The following ASTL variants were observed in gnomAD, a reference collection of about 807,000 sequenced individuals.
The protein encoded by ASTL is astacin-like metalloendopeptidase.
ASTL carries 27 observed loss-of-function variants against 36.7 expected under a neutral mutation model. The observed-to-expected ratio is 0.73, with a 90% CI of 0.54 to 1.01. The LOEUF is 1.01. ASTL is among the 50% of genes least tolerant of loss of function. The pLI is 0.00. For synonymous variants in ASTL, 222 were observed against 228.1 expected, an observed-to-expected ratio of 0.97 and a Z score of 0.24; for missense variants, 524 against 572.8, an observed-to-expected ratio of 0.91 and a Z score of 0.87.
chr2:96,126,364 C>T (rs1033115759), intron 8 of ASTL, among the ~76,000 whole-genome samples: 1 of 152,154 alleles, frequency 6.6e-6, no homozygotes, highest in Non-Finnish European at 1.5e-5. Flanking sequence ...TGAACATTCT[C>T]CAAAGATGCA....
intron 6 of ASTL, among the ~76,000 whole-genome samples, chr2:96,131,231 C>G (rs1314401381): frequency 6.6e-6 from 1 of 152,190 alleles, no homozygotes; most frequent in Non-Finnish European, 1.5e-5. Flanking sequence ...CGTAAGTCTA[C>G]ACATTTTCTC....
At position 96,129,987 on chromosome 2, in the gene ASTL, C is replaced by A; in HGVS notation, c.720-9G>T. ...GCCGGCTGAAGGCGAGCCTGGAACC[C>A]AGCGGGAGACCCCTGAGTCCAGATC... is the stretch of plus-strand genomic sequence containing the variant. On this transcript the variant is annotated splice_polypyrimidine_tract_variant and intron_variant, in intron 7 of 8. Transcript: ENST00000342380. 1 of 1,606,120 alleles carries A rather than the reference C, an allele frequency of 6.2e-7. No individual in the cohort carries two copies. Among genetic ancestry groups the A allele is most frequent in the South Asian group, 1.1e-5 (1 of 90,910 alleles).
chr2:96,133,125 G>A (rs976296894), intron 5 of ASTL, among the ~76,000 whole-genome samples: 9 of 152,194 alleles, frequency 5.9e-5, no homozygotes, highest in African/African-American at 2.2e-4. Flanking sequence ...CAGAAGTTAG[G>A]GGACTTGCCA....
chr2:96,125,854 G>T (rs558878515), intron 8 of ASTL, among the ~76,000 whole-genome samples: 4 of 152,032 alleles, frequency 2.6e-5, no homozygotes, highest in Admixed American at 6.5e-5. Flanking sequence ...AGGTGCACAA[G>T]ACTCCATCTC....
At chr2:96,130,466 G>A (rs1008456675) in intron 6 of ASTL, among the ~76,000 whole-genome samples, 1 of 152,174 alleles carries the variant, frequency 6.6e-6, no homozygotes, top group Non-Finnish European at 1.5e-5. Context: ...AGCTGCCACG[G>A]GTCCCACACT....
intron 8 of ASTL, among the ~76,000 whole-genome samples, chr2:96,127,901 T>C (rs538637228): frequency 3.9e-5 from 6 of 152,230 alleles, no homozygotes; most frequent in South Asian, 2.1e-4. Flanking sequence ...TAATGTGTAG[T>C]TCTTTATGTA....
chr2:96,124,551 C>T lies in ASTL; in HGVS notation c.875-280G>A, dbSNP rs969133206. Among the ~76,000 whole-genome samples the T allele has an allele frequency of 6.6e-6, 1 of 152,150 alleles. No individual in the cohort carries two copies. The highest frequency in any genetic ancestry group is 1.9e-4 in the East Asian group (1 of 5,194). On this transcript the variant is annotated intron_variant, in intron 8 of 8. Transcript: ENST00000342380. The surrounding 1 kb of genome is among the most constrained non-coding windows in gnomAD (Gnocchi z 4.1). The stretch of plus-strand genomic sequence containing the variant: ...CGAGACTGCTGGGACACTTAAGTCA[C>T]CTGACCCAGCACCAAAGCGCCCACC...
chr2:96,130,657 C>T (rs1682157928), intron 6 of ASTL, among the ~76,000 whole-genome samples: 1 of 152,216 alleles, frequency 6.6e-6, no homozygotes, highest in African/African-American at 2.4e-5. Flanking sequence ...CTCCCCCTCA[C>T]TCAAGTCCCC....
At chr2:96,135,433 T>A in intron 2 of ASTL, 21 bp from the exon 3 acceptor site, 1 of 1,612,314 alleles carries the variant, frequency 6.2e-7, no homozygotes, top group Admixed American at 1.7e-5. Flanking sequence ...AAGAAGGACG[T>A]GTTGGCCCAT....
intron 8 of ASTL, among the ~76,000 whole-genome samples, chr2:96,125,508 T>G (rs1381548628): frequency 6.6e-6 from 1 of 152,108 alleles, no homozygotes; most frequent in Non-Finnish European, 1.5e-5. Flanking sequence ...CCCCGCTATA[T>G]CCACCCCTCT....
intron 3 of ASTL, among the ~76,000 whole-genome samples, chr2:96,134,686 C>T (rs1356958551): frequency 6.6e-6 from 1 of 152,202 alleles, no homozygotes; most frequent in Non-Finnish European, 1.5e-5. Flanking sequence ...CCTGGGCAGC[C>T]TTGGGCCAGC....
rs924978757 is a variant in ASTL, at chr2:96,123,437, C to T, written c.*413G>A. Among the ~76,000 whole-genome samples, 1 of 152,192 alleles carries T rather than the reference C, an allele frequency of 6.6e-6. No homozygotes were observed. The highest frequency in any genetic ancestry group is 6.5e-5 in the Admixed American group (1 of 15,280). On this transcript the variant is annotated 3_prime_UTR_variant, in exon 9 of 9. Coordinates refer to ENST00000342380, the MANE Select transcript of ASTL (RefSeq NM_001002036.4). ...TCCCAGGGTCCCAGCCACAGGGCTG[C>T]CCTGAGGGAGAGGTAGGGACACCAT...
In ASTL at chr2:96,132,742, G is replaced by A. The variant is rs763746689; in HGVS notation, c.456-21C>T. The stretch of plus-strand genomic sequence containing the variant: ...AGCACCTGCAGGGTGATGAGAGCAA[G>A]TGGGGTAAGTGCCAGCCCAGATCCC... On this transcript the variant is annotated intron_variant, in intron 5 of 8. Transcript: ENST00000342380. This position sits in a 1 kb window ranked among gnomAD's most constrained non-coding sequence, Gnocchi z 5.4. 2 of 1,594,564 alleles carry A rather than the reference G, an allele frequency of 1.3e-6. No individual in the cohort carries two copies. Among genetic ancestry groups the A allele is most frequent in the Non-Finnish European group, 8.6e-7 (1 of 1,165,312 alleles).
At chr2:96,130,216 G>A in intron 6 of ASTL, 71 bp from the exon 7 acceptor site, 1 of 1,216,652 alleles carries the variant, frequency 8.2e-7, no homozygotes. Flanking sequence ...GGCAATGGCT[G>A]GGAGAGTCTT....
At chr2:96,135,029 C>T (rs954813140) in intron 3 of ASTL, among the ~76,000 whole-genome samples, 19 of 152,332 alleles carry the variant, frequency 1.2e-4, no homozygotes, top group Admixed American at 8.5e-4. Context: ...CTCATCTCTT[C>T]CTTTATCTGA....
chr2:96,124,274 G>C lies in ASTL; in HGVS notation c.875-3C>G. 2.0e-6 allele frequency: 3 copies of C among 1,504,076 alleles called. No individual in the cohort carries two copies. The highest frequency in any genetic ancestry group is 2.7e-6 in the Non-Finnish European group (3 of 1,127,766). 93.2% of individuals were successfully genotyped at this position (1,504,076 alleles called of 1,614,324 possible). The stretch of plus-strand genomic sequence containing the variant: ...ACCAGTGCTGTGGGCATGGGACCCT[G>C]CAACAGAAAAGACAGGAGGTGGAAC... On this transcript the variant is annotated splice_polypyrimidine_tract_variant and splice_region_variant and intron_variant, in intron 8 of 8. Transcript: ENST00000342380. The surrounding 1 kb of genome is among the most constrained non-coding windows in gnomAD (Gnocchi z 4.1).
At chr2:96,133,382 C>T (rs748739844) in intron 5 of ASTL, 43 bp downstream of exon 5, 20 of 1,321,688 alleles carry the variant, frequency 1.5e-5, no homozygotes, top group East Asian at 9.2e-5. Context: ...CCGGGCTGAA[C>T]GCAGAAGCGA....
Position 96,129,910 on chromosome 2 carries a change from T to C in ASTL, c.788A>G (p.Gln263Arg), listed in dbSNP as rs765844957. The change falls in exon 8 of 9, where the codon CAG becomes CGG. Residue 263 changes from glutamine to arginine, a missense_variant. By Grantham distance (43) the Gln-to-Arg change is conservative. Coordinates refer to ENST00000342380, the MANE Select transcript of ASTL (RefSeq NM_001002036.4). ...GTCCGAGGCACTCAGGTTCCATCGC[T>C]GGCCGATGTGGACACTGGGGGCCCA... Reference protein sequence around the residue: ...PLWAPSVHIGQRWNLSASDIT... With the variant: ...PLWAPSVHIGRRWNLSASDIT... 3.1e-5 allele frequency: 49 copies of C among 1,606,316 alleles called. No homozygotes were observed. The highest frequency in any genetic ancestry group is 3.7e-5 in the Non-Finnish European group (44 of 1,174,528).
At position 96,133,955 on chromosome 2, in the gene ASTL, GCTCA is replaced by G; in HGVS notation, c.337+6_337+9del. ...CTGAGGCAGGGAGGGAGCGCGCCATGCTCACTCACCGTACTTGCTGGAGAGCAGG... is the reference window on the plus strand; with the variant it reads ...CTGAGGCAGGGAGGGAGCGCGCCATGCTCACCGTACTTGCTGGAGAGCAGG... On this transcript the variant is annotated splice_donor_region_variant and intron_variant, in intron 4 of 8. Transcript: ENST00000342380. 1 of 1,592,224 alleles carries G rather than the reference GCTCA, an allele frequency of 6.3e-7. No homozygotes were observed. Among genetic ancestry groups the G allele is most frequent in the Non-Finnish European group, 8.6e-7 (1 of 1,160,104 alleles).
Sources: allele counts gnomAD v4.1 joint callset (sites outside exome capture counted in the v4.1 genomes callset), GRCh38; gene constraint gnomAD v4.1.1; non-coding constraint Gnocchi (gnomAD v3.1); transcripts MANE v1.5; gene names NCBI Gene and HGNC (gene_info 2026-07-23, HGNC 2026-07-21).